VRK3: variants seen among roughly 807,000 people sequenced by gnomAD.
VRK3 encodes the protein VRK serine/threonine kinase 3.
Under a neutral mutation model 60.4 loss-of-function variants are expected in VRK3, and 50 were observed. That is an observed-to-expected ratio of 0.83 (90% CI 0.66 to 1.05). The LOEUF is 1.05. Among genes scored for constraint, VRK3 ranks in the 50% least tolerant of loss-of-function variants. The pLI is 0.00. For missense variants in VRK3, 549 were observed against 585.3 expected (o/e 0.94, Z 0.64); for synonymous variants, 246 against 227.8 (o/e 1.08, Z -0.72).
chr19:50,013,802 C>G (rs1250018170), intron 3 of VRK3, among the ~76,000 whole-genome samples: 3 of 152,154 alleles, frequency 2.0e-5, no homozygotes. Context: ...CCTTATGGAG[C>G]TTACAGAAGA....
intron 4 of VRK3, chr19:50,008,831 G>T: frequency 6.3e-6 from 1 of 158,950 alleles, no homozygotes; most frequent in South Asian, 1.9e-4. Flanking sequence ...AGTACACAAG[G>T]CCAAGAACGA....
chr19:49,988,763 C>A (rs1014969685), intron 11 of VRK3, among the ~76,000 whole-genome samples: 2 of 152,208 alleles, frequency 1.3e-5, no homozygotes, highest in Non-Finnish European at 2.9e-5. Flanking sequence ...TTCAATCAAG[C>A]CTCAGCACCC....
At chr19:49,994,618 C>A (rs922315750) in intron 9 of VRK3, among the ~76,000 whole-genome samples, 196 bp downstream of exon 9, 11 of 152,194 alleles carry the variant, frequency 7.2e-5, no homozygotes, top group African/African-American at 2.7e-4. Context: ...ATGCTCATGG[C>A]CCCCCAAGGG....
chr19:50,011,611 TCCTGCCTGTCTTCCCC>T (rs2076996413), intron 3 of VRK3, among the ~76,000 whole-genome samples: 1 of 151,528 alleles, frequency 6.6e-6, no homozygotes, highest in Non-Finnish European at 1.5e-5. Flanking sequence ...CCTCCCATGG[TCCTGCCTGTCTTCCCC>T]CAGGCAGAAA....
chr19:49,999,409 G>A (rs1030164137), intron 6 of VRK3: 3 of 152,314 alleles, frequency 2.0e-5, no homozygotes, highest in African/African-American at 7.2e-5. Flanking sequence ...CCCCAAGGGG[G>A]CAGCTCCTTC....
chr19:49,990,262 T>C (rs1223248424), intron 10 of VRK3, among the ~76,000 whole-genome samples: 1 of 152,204 alleles, frequency 6.6e-6, no homozygotes, highest in East Asian at 1.9e-4. Context: ...GATTTCTCCA[T>C]TTGTAAAATG....
intron 2 of VRK3, among the ~76,000 whole-genome samples, chr19:50,020,221 A>T (rs2077150353): frequency 6.6e-6 from 1 of 151,950 alleles, no homozygotes; most frequent in Admixed American, 6.6e-5. Flanking sequence ...TTATATTTTT[A>T]GTAGAGATGG....
At chr19:49,997,474 C>A (rs1176059493) in intron 7 of VRK3, 30 bp downstream of exon 7, 3 of 1,611,632 alleles carry the variant, frequency 1.9e-6, no homozygotes, top group Non-Finnish European at 2.5e-6. Context: ...CCCTCACTCT[C>A]CCCTCCTTGC....
chr19:49,982,240 A>G, intron 12 of VRK3: 1 of 702,426 alleles, frequency 1.4e-6, no homozygotes, highest in Non-Finnish European at 2.6e-6. Flanking sequence ...ACCGTAGCTC[A>G]TGCCTGAACA....
At chr19:49,987,700 CT>C (rs74182083) in intron 12 of VRK3, 12,366 of 112,610 alleles carry the variant, frequency 0.11, 280 homozygotes, top group East Asian at 0.29. Context: ...ACACAATGAG[CT>C]TTTTTTTTTT....
intron 11 of VRK3, among the ~76,000 whole-genome samples, chr19:49,989,170 G>C (rs568247972): frequency 1.3e-5 from 2 of 152,226 alleles, no homozygotes; most frequent in East Asian, 3.9e-4. Context: ...AGGGATGTGA[G>C]AAAGAGGGGC....
intron 5 of VRK3, among the ~76,000 whole-genome samples, chr19:50,002,220 C>T (rs2122300372): frequency 6.6e-6 from 1 of 152,262 alleles, no homozygotes; most frequent in Admixed American, 6.5e-5. Context: ...GTCTAAGACA[C>T]TGAGCTGAGG....
chr19:49,996,757 C>CA (rs991774304), intron 7 of VRK3, among the ~76,000 whole-genome samples: 4 of 151,912 alleles, frequency 2.6e-5, no homozygotes, highest in Admixed American at 1.3e-4. Flanking sequence ...GCTGAGATTA[C>CA]AGGCACACGC....
intron 5 of VRK3, among the ~76,000 whole-genome samples, chr19:50,002,357 G>A (rs1313112558): frequency 1.3e-5 from 2 of 152,126 alleles, no homozygotes; most frequent in South Asian, 2.1e-4. Context: ...AAGAGAGGGA[G>A]ACGTATGCAG....
At chr19:49,989,518 T>C (rs1480907562) in intron 11 of VRK3, 121 bp downstream of exon 11, 2 of 1,357,990 alleles carry the variant, frequency 1.5e-6, no homozygotes. Context: ...CCAATCCCTG[T>C]CCTGGCGCCC....
At chr19:50,007,175 T>C (rs2076907898) in intron 5 of VRK3, among the ~76,000 whole-genome samples, 1 of 152,182 alleles carries the variant, frequency 6.6e-6, no homozygotes, top group Non-Finnish European at 1.5e-5. Flanking sequence ...TCAGTCTCGA[T>C]GTTTGAACCA....
rs747826756 is a variant in VRK3 at position 50,015,804 on chromosome 19, A to G, written c.139+220T>C. 1.5e-5 allele frequency: 9 copies of G among 603,414 alleles called. No homozygotes were observed. The East Asian group carries it at 1.9e-4, about 12-fold the overall frequency. 37.4% of individuals were successfully genotyped at this position (603,414 alleles called of 1,614,324 possible). On this transcript the variant is annotated intron_variant, in intron 3 of 14. Coordinates refer to ENST00000316763, the MANE Select transcript of VRK3 (RefSeq NM_016440.4). ...GGGAGTCCAGGCTGGCTGGAGATAG[A>G]AATGAAGGAGATGTTAACATGGAGA...
At chr19:49,984,922 TCTG>T (rs1166310444) in intron 12 of VRK3, among the ~76,000 whole-genome samples, 1 of 152,154 alleles carries the variant, frequency 6.6e-6, no homozygotes, top group Non-Finnish European at 1.5e-5. Flanking sequence ...CCGCACCAGA[TCTG>T]CTGCTATTCC....
intron 12 of VRK3, among the ~76,000 whole-genome samples, chr19:49,983,454 G>A (rs892876939): frequency 3.9e-5 from 6 of 152,262 alleles, no homozygotes; most frequent in Admixed American, 6.5e-5. Context: ...GTCCCATGGC[G>A]GCCATTGACA....
Sources: allele counts gnomAD v4.1 joint callset (sites outside exome capture counted in the v4.1 genomes callset), GRCh38; gene constraint gnomAD v4.1.1; transcripts MANE v1.5; gene names NCBI Gene and HGNC (gene_info 2026-07-23, HGNC 2026-07-21).